The following PDS5B variants were observed in gnomAD, a reference collection of about 807,000 sequenced individuals.
The protein encoded by PDS5B is sister chromatid cohesion protein PDS5 homolog B.
In PDS5B, 51 loss-of-function variants were observed where a neutral mutation model predicts 184.1. That is an observed-to-expected ratio of 0.28 (90% CI 0.22 to 0.35). The LOEUF is 0.35. Among genes scored for constraint, PDS5B ranks in the 10% least tolerant of loss-of-function variants. The pLI is 1.00. For synonymous variants in PDS5B, 566 were observed against 569.2 expected (o/e 0.99, Z 0.08); for missense variants, 1,180 against 1,723.3 (o/e 0.68, Z 5.58).
intron 10 of PDS5B, among the ~76,000 whole-genome samples, chr13:32,679,464 C>T (rs1158455773): frequency 1.3e-5 from 2 of 151,864 alleles, no homozygotes; most frequent in African/African-American, 2.4e-5. Flanking sequence ...TATGAAACCC[C>T]GTCTCGACTA....
chr13:32,586,782 C>G (rs1280629845), intron 1 of PDS5B, among the ~76,000 whole-genome samples, 189 bp downstream of exon 1: 1 of 146,312 alleles, frequency 6.8e-6, no homozygotes, highest in Non-Finnish European at 1.5e-5. Flanking sequence ...TGGCGGTGGC[C>G]CGGGGCGGGG....
chr13:32,720,916 C>A (rs539982635), intron 19 of PDS5B, among the ~76,000 whole-genome samples: 1,616 of 151,840 alleles, frequency 0.011, 18 homozygotes, highest in Non-Finnish European at 0.018. Context: ...TCCATTTAAC[C>A]CTGAGTTGAC....
rs565882595 is a variant in PDS5B at position 32,698,283 on chromosome 13, G to T, written c.1600+1381G>T. ...TAGGCCTTATTGTAGCCTTTATTAT[G>T]ATGCCCATCCATTATGAAGGGGCTG... On this transcript the variant is annotated intron_variant, in intron 15 of 34. Coordinates refer to ENST00000315596, the MANE Select transcript of PDS5B (RefSeq NM_015032.4). Among the ~76,000 whole-genome samples, 8 of 150,608 alleles carry T rather than the reference G, an allele frequency of 5.3e-5. No homozygotes were observed. In the South Asian group the frequency reaches 1.3e-3, roughly 24 times the overall value.
At position 32,652,185 on chromosome 13, in the gene PDS5B, T is replaced by C. The variant is rs1244935472; in HGVS notation, c.312+178T>C. 27 of 557,896 alleles carry C rather than the reference T, an allele frequency of 4.8e-5. No individual in the cohort carries two copies. In the Admixed American group the frequency reaches 7.4e-4, roughly 15 times the overall value. The allele number at this position is 557,896 out of a possible 1,614,324, so 34.6% of individuals were successfully genotyped here. A position where few individuals can be genotyped will look rare whatever the true frequency, so the allele number is the denominator to read the frequency against. On this transcript the variant is annotated intron_variant, in intron 3 of 34. Coordinates refer to ENST00000315596, the MANE Select transcript of PDS5B (RefSeq NM_015032.4). ...TAGAACTTATTTTTGAAAAACTTTC[T>C]GGTCTTGAGGTTAAGAAGTAGATTA...
Position 32,742,716 on chromosome 13 carries a change from G to C in PDS5B, c.2601G>C (p.Gln867His). ...ILHSDGDLTE[Q>H]GKISKPDMSR... ...ATAGTGATGGAGACTTGACAGAACA[G>C]GGGAAAATTAGGTATGCAATTACTA... The change falls in exon 23 of 35, where the codon CAG becomes CAC. Residue 867 changes from glutamine (Q) to histidine (H), a missense_variant. Coordinates refer to ENST00000315596, the MANE Select transcript of PDS5B (RefSeq NM_015032.4). 1 of 1,611,780 alleles carries C rather than the reference G, an allele frequency of 6.2e-7. No homozygotes were observed. Among genetic ancestry groups the C allele is most frequent in the Non-Finnish European group, 8.5e-7 (1 of 1,178,470 alleles).
At chr13:32,652,815 G>T (rs940517648) in intron 3 of PDS5B, among the ~76,000 whole-genome samples, 12 of 151,644 alleles carry the variant, frequency 7.9e-5, no homozygotes, top group Non-Finnish European at 1.6e-4. Flanking sequence ...CAAAAGACAT[G>T]TGGTACTTGG....
At chr13:32,683,016 ACTTT>A (rs1951288002) in intron 10 of PDS5B, among the ~76,000 whole-genome samples, 4 of 148,826 alleles carry the variant, frequency 2.7e-5, no homozygotes, top group African/African-American at 9.9e-5. Flanking sequence ...CTTTTAAAAA[ACTTT>A]CTTTTTTTTT....
chr13:32,618,945 C>G (rs1368292279), intron 1 of PDS5B, among the ~76,000 whole-genome samples: 6 of 152,172 alleles, frequency 3.9e-5, no homozygotes, highest in Admixed American at 2.0e-4. Context: ...AACGAACTCT[C>G]ATAGTCAAGT....
intron 1 of PDS5B, among the ~76,000 whole-genome samples, chr13:32,633,979 C>T (rs1279856772): frequency 6.6e-6 from 1 of 152,154 alleles, no homozygotes; most frequent in East Asian, 1.9e-4. Flanking sequence ...TTACTTCTGT[C>T]TCAATCTCTT....
intron 19 of PDS5B, among the ~76,000 whole-genome samples, chr13:32,718,098 A>G (rs1952539576): frequency 6.6e-6 from 1 of 152,158 alleles, no homozygotes; most frequent in Non-Finnish European, 1.5e-5. Context: ...TTATTATATA[A>G]GTAGGGAAAA....
intron 13 of PDS5B, among the ~76,000 whole-genome samples, chr13:32,693,549 T>A (rs1301601517): frequency 6.6e-6 from 1 of 151,706 alleles, no homozygotes; most frequent in Admixed American, 6.6e-5. Context: ...GTAGAATAAT[T>A]GAAAACAAAC....
At chr13:32,751,480 T>C (rs946245886) in intron 24 of PDS5B, among the ~76,000 whole-genome samples, 1 of 152,224 alleles carries the variant, frequency 6.6e-6, no homozygotes, top group African/African-American at 2.4e-5. Context: ...TCACCAGCAT[T>C]GTATTAGTGC....
chr13:32,677,483 A>G (rs1951103618), intron 9 of PDS5B, among the ~76,000 whole-genome samples: 1 of 152,084 alleles, frequency 6.6e-6, no homozygotes, highest in African/African-American at 2.4e-5. Context: ...AAATAATACC[A>G]ACTTTAAGGA....
chr13:32,764,550 C>T lies in PDS5B; in HGVS notation c.3580C>T (p.Pro1194Ser), dbSNP rs776388530. ...NEDYTMSSPL[P>S]GKKSDKRDDS... Reference sequence around the variant, plus strand: ...AGATTACACAATGTCTTCACCTTTGCCGGGGAAAAAAAGTGACAAGAGAGA... The same window carrying T: ...AGATTACACAATGTCTTCACCTTTGTCGGGGAAAAAAAGTGACAAGAGAGA... The change falls in exon 31 of 35, where the codon CCG becomes TCG. Residue 1194 changes from proline to serine, a missense_variant. Physicochemically the swap from Pro to Ser is moderately conservative, Grantham distance 74 (BLOSUM62 -1). Transcript: ENST00000315596. 1.9e-6 allele frequency: 3 copies of T among 1,605,506 alleles called. No individual in the cohort carries two copies. The highest frequency in any genetic ancestry group is 4.5e-5 in the East Asian group (2 of 44,302).
chr13:32,764,977 C>G (rs907707162), intron 31 of PDS5B, among the ~76,000 whole-genome samples: 4 of 152,038 alleles, frequency 2.6e-5, no homozygotes, highest in Non-Finnish European at 5.9e-5. Flanking sequence ...AAACTTCTTT[C>G]ATTTAATTTA....
chr13:32,609,818 G>A (rs1188146702), intron 1 of PDS5B, among the ~76,000 whole-genome samples: 2 of 151,738 alleles, frequency 1.3e-5, no homozygotes, highest in Non-Finnish European at 2.9e-5. Flanking sequence ...AACCATTGCT[G>A]CATCCGTTGG....
chr13:32,664,308 AT>A (rs371009027), intron 6 of PDS5B, among the ~76,000 whole-genome samples: 3 of 152,250 alleles, frequency 2.0e-5, no homozygotes, highest in African/African-American at 7.2e-5. Flanking sequence ...ATATAAGAAC[AT>A]TCTAGAAGGT....
At chr13:32,764,361 G>T (rs1954514407) in intron 30 of PDS5B, 128 bp from the exon 31 acceptor site, 2 of 436,866 alleles carry the variant, frequency 4.6e-6, no homozygotes, top group East Asian at 7.3e-5. Context: ...AAATATGGTA[G>T]AATGAAACTG....
chr13:32,729,691 T>G (rs1953035231), intron 19 of PDS5B, among the ~76,000 whole-genome samples: 2 of 152,266 alleles, frequency 1.3e-5, no homozygotes. Context: ...ATTTCTCTAA[T>G]GACCAGTGAT....
Sources: allele counts gnomAD v4.1 joint callset (sites outside exome capture counted in the v4.1 genomes callset), GRCh38; gene constraint gnomAD v4.1.1; transcripts MANE v1.5; gene names NCBI Gene and HGNC (gene_info 2026-07-23, HGNC 2026-07-21).